GART: variants seen among roughly 807,000 people sequenced by gnomAD.
GART encodes phosphoribosylglycinamide formyltransferase, phosphoribosylglycinamide synthetase, phosphoribosylaminoimidazole synthetase, also known as trifunctional purine biosynthetic protein adenosine-3.
GART carries 43 observed loss-of-function variants against 107.2 expected under a neutral mutation model. The ratio of observed to expected loss-of-function variants is 0.40; its 90% CI spans 0.31 to 0.52. The LOEUF (loss-of-function observed/expected upper bound fraction) is 0.52. Among genes scored for constraint, GART ranks in the 20% least tolerant of loss-of-function variants. GART has a pLI of 0.52. For missense variants in GART, 1,107 were observed against 1,206.5 expected, an observed-to-expected ratio of 0.92 and a Z score of 1.22; for synonymous variants, 434 against 427.0, an observed-to-expected ratio of 1.02 and a Z score of -0.20.
At chr21:33,513,083 TTGTGTGTGTGTGTGTGTGTCTCTGTG>T (rs923299023) in intron 16 of GART, among the ~76,000 whole-genome samples, 4 of 142,238 alleles carry the variant, frequency 2.8e-5, no homozygotes, top group South Asian at 4.7e-4. Context: ...ACTTGGTTAT[TTGTGTGTGTGTGTGTGTGTCTCTGTG>T]TGTGTGTGTG....
intron 11 of GART, 109 bp downstream of exon 11, chr21:33,524,660 A>G: frequency 4.6e-6 from 7 of 1,514,178 alleles, no homozygotes; most frequent in Non-Finnish European, 6.2e-6. Context: ...TATCACTCCC[A>G]CAGAGAGAAA....
rs146885403 is a variant in GART, at chr21:33,515,704, G to A, written c.2107+1285C>T. Among the ~76,000 whole-genome samples the A allele has an allele frequency of 2.7e-5, 4 of 148,424 alleles. No homozygotes were observed. In the East Asian group the frequency reaches 7.9e-4, roughly 29 times the overall value. ...AAAACAAAAAACAAAAAAGAACACAGGGAGGGAGGACTCTGTCCCTCACTT... is the reference window on the plus strand; with the variant it reads ...AAAACAAAAAACAAAAAAGAACACAAGGAGGGAGGACTCTGTCCCTCACTT... On this transcript the variant is annotated intron_variant, in intron 16 of 21. Transcript: ENST00000381815.
chr21:33,515,908 A>G (rs2084868751), intron 16 of GART, among the ~76,000 whole-genome samples: 1 of 151,974 alleles, frequency 6.6e-6, no homozygotes, highest in Admixed American at 6.6e-5. Flanking sequence ...TGCTTATTCT[A>G]GATCTTTGTG....
rs1414010644 is a variant in GART at position 33,530,846 on chromosome 21, C to A, written c.636G>T (p.Met212Ile). 6.5e-6 allele frequency: 10 copies of A among 1,531,140 alleles called. No homozygotes were observed. The highest frequency in any genetic ancestry group is 1.4e-5 in the African/African-American group (1 of 69,084). The allele number at this position is 1,531,140 out of a possible 1,614,324, so 94.8% of individuals were successfully genotyped here. The change falls in exon 7 of 22, where the codon ATG becomes ATT. Residue 212 changes from methionine to isoleucine, a missense_variant. Physicochemically the swap from Met to Ile is conservative, Grantham distance 10. Transcript: ENST00000381815. Reference protein sequence around the residue: ...CFTDGKTVAPMPPAQDHKRLL... With the variant: ...CFTDGKTVAPIPPAQDHKRLL... The stretch of plus-strand genomic sequence containing the variant: ...ATCGCTTATGGTCCTGTGCTGGGGG[C>A]ATGGGGGCCACAGTCTTGCCATCAG...
intron 14 of GART, among the ~76,000 whole-genome samples, chr21:33,518,030 C>T (rs1316138586): frequency 6.6e-6 from 1 of 152,196 alleles, no homozygotes; most frequent in Non-Finnish European, 1.5e-5. Context: ...AATACCCTAG[C>T]TTAAAAAGTA....
chr21:33,533,476 T>TAA (rs1158248720), intron 4 of GART, among the ~76,000 whole-genome samples: 2 of 148,230 alleles, frequency 1.3e-5, no homozygotes, highest in Non-Finnish European at 3.0e-5. Flanking sequence ...AAAATAAAAA[T>TAA]AAATAAATAA....
intron 7 of GART, 28 bp from the exon 8 acceptor site, chr21:33,528,965 G>A (rs2085129850): frequency 1.4e-6 from 2 of 1,447,488 alleles, no homozygotes; most frequent in South Asian, 1.1e-5. Flanking sequence ...ACAGTTAAAT[G>A]TAACAGGTAA....
intron 16 of GART, 62 bp from the exon 17 acceptor site, chr21:33,511,520 T>A (rs1601179256): frequency 6.8e-7 from 1 of 1,465,230 alleles, no homozygotes; most frequent in Non-Finnish European, 9.6e-7. Flanking sequence ...TACAAAAGTA[T>A]GCACATATTC....
chr21:33,521,902 T>C (rs1005527386), intron 12 of GART, among the ~76,000 whole-genome samples: 1 of 139,200 alleles, frequency 7.2e-6, no homozygotes, highest in Non-Finnish European at 1.5e-5. Flanking sequence ...GAGGTTGCAG[T>C]GAGCCGAGAT....
At chr21:33,539,506 C>T in intron 1 of GART, 150 bp from the exon 2 acceptor site, 1 of 499,308 alleles carries the variant, frequency 2.0e-6, no homozygotes, top group Admixed American at 3.9e-5. Flanking sequence ...CAGCCTTGGC[C>T]AACATGGCAA....
upstream of GART, chr21:33,542,209 T>A (rs909366673): frequency 6.6e-6 from 1 of 152,014 alleles, no homozygotes; most frequent in African/African-American, 2.4e-5. Context: ...CGGCCCTGGG[T>A]CTCCGCGGCG....
At chr21:33,515,652 C>CAAA (rs71194850) in intron 16 of GART, among the ~76,000 whole-genome samples, 473 of 35,178 alleles carry the variant, frequency 0.013, 1 homozygote, top group Middle Eastern at 0.042. Flanking sequence ...GACTCCAACT[C>CAAA]AAAAAAAAAA....
chr21:33,529,156 T>G (rs1030950016), intron 7 of GART, among the ~76,000 whole-genome samples: 3 of 152,188 alleles, frequency 2.0e-5, no homozygotes, highest in African/African-American at 7.2e-5. Flanking sequence ...AATACACTCT[T>G]AAAAGAACTA....
In GART at chr21:33,511,417, G is replaced by C; in HGVS notation, c.2149C>G (p.Gln717Glu). The change falls in exon 17 of 22, where the codon CAG (glutamine) becomes GAG (glutamate). Residue 717 changes from glutamine to glutamate, a missense_variant. Transcript: ENST00000381815. Reference protein sequence around the residue: ...WRIPRVFSWLQQEGHLSEEEM... With the variant: ...WRIPRVFSWLEQEGHLSEEEM... ...TCCTCAGAGAGGTGTCCTTCCTGCTGCAACCATGAGAAGACCCTGGGGATC... is the reference window on the plus strand; with the variant it reads ...TCCTCAGAGAGGTGTCCTTCCTGCTCCAACCATGAGAAGACCCTGGGGATC... 1 of 1,614,084 alleles carries C rather than the reference G, an allele frequency of 6.2e-7. No individual in the cohort carries two copies. Among genetic ancestry groups the C allele is most frequent in the South Asian group, 1.1e-5 (1 of 91,084 alleles).
rs776917999 is a variant in GART at position 33,528,842 on chromosome 21, G to A, written c.811+8C>T. 65 of 1,589,192 alleles carry A rather than the reference G, an allele frequency of 4.1e-5. 1 individual carries two copies. Among genetic ancestry groups the A allele is most frequent in the Non-Finnish European group, 5.3e-5 (62 of 1,159,034 alleles). ...AGGTGGCTTCCATAGTAATGTGGGTGGGCCTACCTGTATATGGAGTACCCT... is the reference window on the plus strand; with the variant it reads ...AGGTGGCTTCCATAGTAATGTGGGTAGGCCTACCTGTATATGGAGTACCCT... On this transcript the variant is annotated splice_region_variant and intron_variant, in intron 8 of 21. Transcript: ENST00000381815.
chr21:33,518,498 A>C (rs1329637363), intron 14 of GART: 2 of 183,578 alleles, frequency 1.1e-5, no homozygotes, highest in Non-Finnish European at 2.3e-5. Flanking sequence ...AAAAAAAAGA[A>C]GAAATTGTGT....
chr21:33,519,857 T>G (rs1331065927), intron 14 of GART, among the ~76,000 whole-genome samples: 1 of 151,784 alleles, frequency 6.6e-6, no homozygotes, highest in Non-Finnish European at 1.5e-5. Flanking sequence ...AAAGAGGTTA[T>G]TTTGTTCCTT....
chr21:33,518,928 G>A, intron 14 of GART: 1 of 484,758 alleles, frequency 2.1e-6, no homozygotes, highest in Middle Eastern at 7.1e-4. Flanking sequence ...AATGCTACCA[G>A]CATTTTAGGT....
chr21:33,531,982 C>T (rs1244535461), intron 5 of GART: 1 of 253,302 alleles, frequency 3.9e-6, no homozygotes, highest in Admixed American at 5.0e-5. Context: ...TCACGAAAGA[C>T]AAGGCATATT....
Sources: gnomAD v4.1 joint callset for allele counts (sites outside exome capture counted in the v4.1 genomes callset) on GRCh38, gnomAD v4.1.1 for gene constraint, MANE v1.5 for transcripts, NCBI Gene and HGNC (gene_info 2026-07-23, HGNC 2026-07-21) for gene names.